KRTDAP: variants seen among roughly 807,000 people sequenced by gnomAD.
KRTDAP encodes keratinocyte differentiation-associated protein.
Under a neutral mutation model 18.6 loss-of-function variants are expected in KRTDAP, and 14 were observed. The observed-to-expected ratio is 0.75, with a 90% CI of 0.50 to 1.18. The LOEUF (loss-of-function observed/expected upper bound fraction) is 1.18. Ranked by LOEUF, KRTDAP falls within the 50% of genes most tolerant of loss-of-function variation. The probability of loss-of-function intolerance (pLI) is 0.00; values close to 1 mark genes in which losing one functional copy is unlikely to be tolerated. For missense variants in KRTDAP, 114 were observed against 121.3 expected (o/e 0.94, Z 0.28); for synonymous variants, 53 against 49.5 (o/e 1.07, Z -0.29).
intron 4 of KRTDAP, 78 bp downstream of exon 4, chr19:35,488,363 T>G: frequency 1.4e-6 from 2 of 1,479,698 alleles, no homozygotes; most frequent in Admixed American, 3.8e-5. Context: ...ACCCATACAT[T>G]TAAAGCCAAA....
chr19:35,488,533 C>T, intron 3 of KRTDAP, 48 bp from the exon 4 acceptor site: 1 of 1,609,964 alleles, frequency 6.2e-7, no homozygotes, highest in Non-Finnish European at 8.5e-7. Flanking sequence ...CAGGGGAGGC[C>T]AGAGCTTAGC....
At chr19:35,490,215 C>T (rs1225601146) in intron 1 of KRTDAP, 141 bp downstream of exon 1, 4 of 551,682 alleles carry the variant, frequency 7.3e-6, no homozygotes, top group Non-Finnish European at 1.3e-5. Context: ...TCCCTCCTCC[C>T]TTCCTCAGAG....
At chr19:35,487,892 G>A in intron 4 of KRTDAP, 133 bp from the exon 5 acceptor site, 1 of 669,610 alleles carries the variant, frequency 1.5e-6, no homozygotes, top group Non-Finnish European at 2.7e-6. Context: ...ACTTTATCAA[G>A]AGCTAATATT....
chr19:35,488,980 T>C, intron 1 of KRTDAP, 140 bp from the exon 2 acceptor site: 3 of 732,158 alleles, frequency 4.1e-6, no homozygotes, highest in Non-Finnish European at 6.9e-6. Context: ...ATGGTCTCCG[T>C]TCCAGTCGCG....
In KRTDAP at chr19:35,487,717, G is replaced by T; in HGVS notation, c.256C>A (p.Pro86Thr). Residue 86 changes from proline (P) to threonine (T), a missense_variant, in exon 5 of 6, where the codon CCT becomes ACT. Transcript: ENST00000338897. ...CTAATGCCCACACCTCTTACCTTAG[G>T]AAAGGCATCCCAGTTGAGGAAAGGA... ...KLPFLNWDAF[P>T]KLKGLRSATP... is the part of the protein sequence containing the mutation. 6.2e-7 allele frequency: 1 copy of T among 1,612,676 alleles called. No homozygotes were observed. Among genetic ancestry groups the T allele is most frequent in the Non-Finnish European group, 8.5e-7 (1 of 1,178,806 alleles).
Position 35,490,454 on chromosome 19 carries a change from TG to T in KRTDAP, c.-13del. ...ACCGGGATCTTCATGGCGTCAAGTT[TG>T]GGGTGCTCTGAGGCGGGGCCTCAGT... is the stretch of plus-strand genomic sequence containing the variant. On this transcript the variant is annotated 5_prime_UTR_variant, in exon 1 of 6. Coordinates refer to ENST00000338897, the MANE Select transcript of KRTDAP (RefSeq NM_207392.3). 3 of 1,595,346 alleles carry T rather than the reference TG, an allele frequency of 1.9e-6. No individual in the cohort carries two copies. The highest frequency in any genetic ancestry group is 2.6e-6 in the Non-Finnish European group (3 of 1,164,414).
Position 35,490,451 on chromosome 19 carries a change from G to C in KRTDAP, c.-9C>G. The C allele has an allele frequency of 6.2e-7, 1 of 1,603,100 alleles. No individual in the cohort carries two copies. The highest frequency in any genetic ancestry group is 8.5e-7 in the Non-Finnish European group (1 of 1,170,980). On this transcript the variant is annotated 5_prime_UTR_variant, in exon 1 of 6. Transcript: ENST00000338897. ...AGGACCGGGATCTTCATGGCGTCAA[G>C]TTTGGGGTGCTCTGAGGCGGGGCCT...
chr19:35,489,408 T>A (rs748223197), intron 1 of KRTDAP, among the ~76,000 whole-genome samples: 1 of 152,232 alleles, frequency 6.6e-6, no homozygotes, highest in African/African-American at 2.4e-5. Context: ...TCCAGATGCT[T>A]AGATCTCATA....
chr19:35,487,403 C>G lies in KRTDAP; in HGVS notation c.*25G>C. Reference sequence around the variant, plus strand: ...GGTTGAGAATCAGCGCTCACGCTAGCCCCCTCTTCCAGTGGAGGTCATGGT... The same window carrying G: ...GGTTGAGAATCAGCGCTCACGCTAGGCCCCTCTTCCAGTGGAGGTCATGGT... On this transcript the variant is annotated 3_prime_UTR_variant, in exon 6 of 6. Coordinates refer to ENST00000338897, the MANE Select transcript of KRTDAP (RefSeq NM_207392.3). The G allele has an allele frequency of 6.2e-7, 1 of 1,611,294 alleles. No homozygotes were observed. Among genetic ancestry groups the G allele is most frequent in the Non-Finnish European group, 8.5e-7 (1 of 1,177,358 alleles).
chr19:35,488,797 C>T lies in KRTDAP; in HGVS notation c.126+5G>A. On this transcript the variant is annotated splice_donor_5th_base_variant and intron_variant, in intron 2 of 5. Coordinates refer to ENST00000338897, the MANE Select transcript of KRTDAP (RefSeq NM_207392.3). ...CTGGAGGGCCGGGGAAAACAGACGG[C>T]TTACCTCGGGTCGTGACGCATAATT... The T allele has an allele frequency of 6.2e-7, 1 of 1,614,152 alleles. No homozygotes were observed. Among genetic ancestry groups the T allele is most frequent in the Non-Finnish European group, 8.5e-7 (1 of 1,180,014 alleles).
Position 35,489,631 on chromosome 19 carries a change from G to T in KRTDAP, c.87+725C>A, listed in dbSNP as rs2067511498. 2.6e-5 allele frequency among the ~76,000 whole-genome samples: 4 copies of T among 152,252 alleles called. No homozygotes were observed. The East Asian group carries it at 7.7e-4, about 29-fold the overall frequency. ...GCCCTGACAGCCCCCCCAGCTCAGT[G>T]ACACCACTGGCTTGGTCCTTAGCAG... is the stretch of plus-strand genomic sequence containing the variant. On this transcript the variant is annotated intron_variant, in intron 1 of 5. Transcript: ENST00000338897.
chr19:35,488,916 G>T, intron 1 of KRTDAP, 76 bp from the exon 2 acceptor site: 1 of 1,400,010 alleles, frequency 7.1e-7, no homozygotes, highest in Non-Finnish European at 1.0e-6. Context: ...CTGTCTGCCA[G>T]CTCTGCCTTC....
chr19:35,487,997 C>G (rs911146803), intron 4 of KRTDAP, among the ~76,000 whole-genome samples: 1 of 152,152 alleles, frequency 6.6e-6, no homozygotes, highest in African/African-American at 2.4e-5. Context: ...TGGGAATTGT[C>G]ATCATCCCCA....
rs2067515211 is a variant in KRTDAP, at chr19:35,490,339, G to A, written c.87+17C>T. 1 of 1,538,006 alleles carries A rather than the reference G, an allele frequency of 6.5e-7. No homozygotes were observed. The highest frequency in any genetic ancestry group is 2.3e-5 in the East Asian group (1 of 44,280). On this transcript the variant is annotated intron_variant, in intron 1 of 5. Transcript: ENST00000338897. The stretch of plus-strand genomic sequence containing the variant: ...GGGTAACACGTATAAGAATAAAAAT[G>A]CAGGTGACGTGCTCACCTCAGGACC...
intron 5 of KRTDAP, 91 bp from the exon 6 acceptor site, chr19:35,487,557 A>T: frequency 7.9e-7 from 1 of 1,269,248 alleles, no homozygotes. Context: ...CCTCGGTGTG[A>T]GTTCCCGTTC....
At chr19:35,489,324 C>A (rs944714887) in intron 1 of KRTDAP, among the ~76,000 whole-genome samples, 2 of 152,172 alleles carry the variant, frequency 1.3e-5, no homozygotes, top group African/African-American at 4.8e-5. Context: ...TCCATGGGGA[C>A]CCCACCCCAG....
chr19:35,489,929 C>T (rs959687947), intron 1 of KRTDAP, among the ~76,000 whole-genome samples: 4 of 152,160 alleles, frequency 2.6e-5, no homozygotes, highest in East Asian at 1.9e-4. Flanking sequence ...TCACCCTCTC[C>T]ACCTGCTGCC....
chr19:35,487,410 T>C lies in KRTDAP; in HGVS notation c.*18A>G. 1 of 1,612,258 alleles carries C rather than the reference T, an allele frequency of 6.2e-7. No homozygotes were observed. Among genetic ancestry groups the C allele is most frequent in the Non-Finnish European group, 8.5e-7 (1 of 1,178,226 alleles). On this transcript the variant is annotated 3_prime_UTR_variant, in exon 6 of 6. Coordinates refer to ENST00000338897, the MANE Select transcript of KRTDAP (RefSeq NM_207392.3). The stretch of plus-strand genomic sequence containing the variant: ...AATCAGCGCTCACGCTAGCCCCCTC[T>C]TCCAGTGGAGGTCATGGTCACTGGG...
At position 35,487,768 on chromosome 19, in the gene KRTDAP, AAGAAAG is replaced by A. The variant is rs2145780555; in HGVS notation, c.214-15_214-10del. On this transcript the variant is annotated splice_polypyrimidine_tract_variant and intron_variant, in intron 4 of 5. Transcript: ENST00000338897. ...AGTTTCCTTTTGATAGACTAAAAGA[AAGAAAG>A]AGAAAGAGAGTGATGTGTTGCAGGT... 6.2e-7 allele frequency: 1 copy of A among 1,608,526 alleles called. No individual in the cohort carries two copies. The highest frequency in any genetic ancestry group is 8.5e-7 in the Non-Finnish European group (1 of 1,175,088).
Sources: gnomAD v4.1 joint callset for allele counts (sites outside exome capture counted in the v4.1 genomes callset) on GRCh38, gnomAD v4.1.1 for gene constraint, MANE v1.5 for transcripts, NCBI Gene and HGNC (gene_info 2026-07-23, HGNC 2026-07-21) for gene names.